MMP16: variants seen among roughly 807,000 people sequenced by gnomAD.
MMP16 encodes matrix metalloproteinase-16.
A neutral mutation model predicts 67.8 loss-of-function variants in MMP16; 12 were observed. That is an observed-to-expected ratio of 0.18 (90% confidence interval 0.11 to 0.29). The LOEUF (loss-of-function observed/expected upper bound fraction) is 0.29, where lower values mean the gene tolerates loss of function less well. MMP16 is among the 10% of genes least tolerant of loss of function. The pLI is 1.00. For synonymous variants in MMP16, 249 were observed against 255.9 expected, an observed-to-expected ratio of 0.97 and a Z score of 0.26; for missense variants, 475 against 765.7, an observed-to-expected ratio of 0.62 and a Z score of 4.48.
chr8:88,261,855 G>A (rs2129949988), intron 1 of MMP16, among the ~76,000 whole-genome samples: 1 of 151,746 alleles, frequency 6.6e-6, no homozygotes, highest in South Asian at 2.1e-4. Flanking sequence ...TATGCACTGG[G>A]CACTGCACTT....
chr8:88,177,761 GA>G, intron 3 of MMP16, among the ~76,000 whole-genome samples: 1 of 152,134 alleles, frequency 6.6e-6, no homozygotes, highest in African/African-American at 2.4e-5. Context: ...CATAAACGAA[GA>G]AAAACAAAAA....
chr8:88,070,827 T>C (rs1808540274), intron 7 of MMP16, among the ~76,000 whole-genome samples: 1 of 152,138 alleles, frequency 6.6e-6, no homozygotes, highest in Admixed American at 6.6e-5. Context: ...TTGAAAATCA[T>C]TTTTTAATAT....
intron 4 of MMP16, among the ~76,000 whole-genome samples, chr8:88,126,530 T>C (rs1691917261): frequency 6.6e-6 from 1 of 151,896 alleles, no homozygotes; most frequent in Admixed American, 6.6e-5. Flanking sequence ...TATTTTATAC[T>C]TGAAATTTTC....
intron 1 of MMP16, among the ~76,000 whole-genome samples, chr8:88,208,065 T>C (rs1809456780): frequency 1.3e-5 from 2 of 152,198 alleles, no homozygotes; most frequent in Non-Finnish European, 2.9e-5. Flanking sequence ...AGTTATTAGA[T>C]GTCTTGAAGA....
intron 7 of MMP16, among the ~76,000 whole-genome samples, chr8:88,060,338 G>A (rs570075403): frequency 6.6e-6 from 1 of 151,930 alleles, no homozygotes; most frequent in Non-Finnish European, 1.5e-5. Context: ...TTCCTTTCTC[G>A]TTTTCCTGTC....
chr8:88,194,070 TAAGG>T (rs925417649), intron 2 of MMP16, among the ~76,000 whole-genome samples: 4 of 151,998 alleles, frequency 2.6e-5, no homozygotes, highest in African/African-American at 9.7e-5. Flanking sequence ...TAATTAATAT[TAAGG>T]CAATATTATA....
intron 1 of MMP16, among the ~76,000 whole-genome samples, chr8:88,272,235 AT>A (rs1749555622): frequency 6.6e-6 from 1 of 152,188 alleles, no homozygotes; most frequent in Non-Finnish European, 1.5e-5. Context: ...TGGGAGTCAC[AT>A]TATCATTATT....
chr8:88,123,737 C>T (rs1052699740), intron 4 of MMP16, among the ~76,000 whole-genome samples: 3 of 151,864 alleles, frequency 2.0e-5, no homozygotes, highest in Non-Finnish European at 4.4e-5. Context: ...TATTTACATC[C>T]TGGGGGCACA....
intron 4 of MMP16, among the ~76,000 whole-genome samples, chr8:88,156,478 T>C (rs562518737): frequency 3.9e-5 from 6 of 152,208 alleles, no homozygotes; most frequent in African/African-American, 1.4e-4. Flanking sequence ...GTTCTGGCAA[T>C]TCTTGATTTC....
intron 1 of MMP16, among the ~76,000 whole-genome samples, chr8:88,274,291 GA>G (rs2129979285): frequency 6.6e-6 from 1 of 152,000 alleles, no homozygotes; most frequent in East Asian, 1.9e-4. Context: ...AACAGAAGAA[GA>G]ATTTAAATAT....
intron 1 of MMP16, among the ~76,000 whole-genome samples, chr8:88,277,965 T>C (rs191883093): frequency 3.7e-4 from 56 of 152,346 alleles, no homozygotes; most frequent in African/African-American, 1.3e-3. Context: ...CTGATTGCAC[T>C]GAATTACCAA....
At chr8:88,318,200 C>G (rs906952716) in intron 1 of MMP16, among the ~76,000 whole-genome samples, 1 of 152,120 alleles carries the variant, frequency 6.6e-6, no homozygotes, top group African/African-American at 2.4e-5. Flanking sequence ...CCAAATCTTC[C>G]TGAATACTTT....
intron 1 of MMP16, among the ~76,000 whole-genome samples, chr8:88,239,718 A>C (rs1219747712): frequency 6.6e-6 from 1 of 152,180 alleles, no homozygotes; most frequent in African/African-American, 2.4e-5. Context: ...TAATGACATA[A>C]CATGAATGCT....
intron 6 of MMP16, among the ~76,000 whole-genome samples, chr8:88,088,052 T>A (rs1225893273): frequency 2.6e-4 from 1 of 3,848 alleles, no homozygotes; most frequent in Non-Finnish European, 6.6e-4. Flanking sequence ...AGATATCTAT[T>A]ATATCTATAT....
At chr8:88,298,684 G>A (rs1239137993) in intron 1 of MMP16, among the ~76,000 whole-genome samples, 2 of 152,128 alleles carry the variant, frequency 1.3e-5, no homozygotes, top group Non-Finnish European at 1.5e-5. Context: ...TCTGCTCCAT[G>A]GCACAGGAAA....
At chr8:88,199,969 T>C (rs918170634) in intron 1 of MMP16, among the ~76,000 whole-genome samples, 18 of 152,020 alleles carry the variant, frequency 1.2e-4, no homozygotes, top group African/African-American at 4.1e-4. Context: ...GGATGAATGA[T>C]ATACAATTTG....
At chr8:88,233,724 T>C (rs1158129152) in intron 1 of MMP16, among the ~76,000 whole-genome samples, 8 of 152,226 alleles carry the variant, frequency 5.3e-5, no homozygotes, top group Non-Finnish European at 8.8e-5. Context: ...AAAGCAAGAC[T>C]GAAACCAATG....
intron 4 of MMP16, among the ~76,000 whole-genome samples, chr8:88,149,608 CCT>C (rs1808365018): frequency 2.0e-5 from 3 of 151,862 alleles, no homozygotes; most frequent in East Asian, 3.9e-4. Flanking sequence ...CACACTGACA[CCT>C]CACACGGCAG....
intron 2 of MMP16, among the ~76,000 whole-genome samples, chr8:88,195,855 G>A (rs114397475): frequency 2.5e-4 from 38 of 152,204 alleles, no homozygotes; most frequent in African/African-American, 8.7e-4. Flanking sequence ...AAACTGCTTT[G>A]AAGTTTATCT....
Sources: gnomAD v4.1 joint callset for allele counts (sites outside exome capture counted in the v4.1 genomes callset) on GRCh38, gnomAD v4.1.1 for gene constraint, MANE v1.5 for transcripts, NCBI Gene and HGNC (gene_info 2026-07-23, HGNC 2026-07-21) for gene names.